RORA: variants seen among roughly 807,000 people sequenced by gnomAD.
The protein encoded by RORA is nuclear receptor ROR-alpha.
In RORA, 7 loss-of-function variants were observed where a neutral mutation model predicts 69.5. The ratio of observed to expected loss-of-function variants is 0.10; its 90% CI spans 0.06 to 0.19. RORA has a LOEUF of 0.19. Among genes scored for constraint, RORA ranks in the 10% least tolerant of loss-of-function variants. RORA has a pLI of 1.00. For missense variants in RORA, 457 were observed against 663.0 expected (o/e 0.69, Z 3.41); for synonymous variants, 261 against 240.8 (o/e 1.08, Z -0.78).
intron 1 of RORA, among the ~76,000 whole-genome samples, chr15:60,824,531 A>C (rs1354062506): frequency 1.3e-5 from 2 of 151,996 alleles, no homozygotes; most frequent in Non-Finnish European, 2.9e-5. Flanking sequence ...TGGTGTGCTC[A>C]TGGCCATATG....
intron 1 of RORA, among the ~76,000 whole-genome samples, chr15:61,062,370 G>T (rs2078198817): frequency 1.3e-5 from 2 of 152,204 alleles, no homozygotes; most frequent in Admixed American, 1.3e-4. Context: ...CTGCAGTGCT[G>T]CATGGTTGAT....
At chr15:60,977,336 T>A (rs1031529157) in intron 1 of RORA, among the ~76,000 whole-genome samples, 5 of 152,242 alleles carry the variant, frequency 3.3e-5, no homozygotes, top group Non-Finnish European at 7.4e-5. Flanking sequence ...AGTCGTCAGT[T>A]TAACAAAGGA....
intron 1 of RORA, among the ~76,000 whole-genome samples, chr15:61,148,700 A>C (rs566596821): frequency 1.3e-5 from 2 of 152,372 alleles, no homozygotes; most frequent in South Asian, 4.1e-4. Context: ...AAAGTGGAGC[A>C]GATAATTCTC....
At chr15:60,711,520 C>T (rs1401761062) in intron 1 of RORA, among the ~76,000 whole-genome samples, 3 of 152,150 alleles carry the variant, frequency 2.0e-5, no homozygotes, top group African/African-American at 7.2e-5. Context: ...CCCATTTTTG[C>T]ATCCTTCCTT....
intron 1 of RORA, among the ~76,000 whole-genome samples, chr15:60,783,345 T>C (rs902314070): frequency 3.9e-5 from 6 of 152,196 alleles, no homozygotes; most frequent in Admixed American, 3.3e-4. Flanking sequence ...TGTTTATTTC[T>C]TTTCTATTTA....
chr15:60,627,356 C>T (rs1477345371), intron 2 of RORA: 7 of 1,614,084 alleles, frequency 4.3e-6, no homozygotes, highest in Non-Finnish European at 5.9e-6. Context: ...TCACTGTCTC[C>T]TGGGGCCCCC....
chr15:60,984,794 CAT>C (rs1894148122), intron 1 of RORA, among the ~76,000 whole-genome samples: 2 of 124,516 alleles, frequency 1.6e-5, no homozygotes, highest in African/African-American at 6.3e-5. Context: ...GCTTGGACTA[CAT>C]ATGTCTTTTT....
At chr15:60,876,321 G>T (rs868674429) in intron 1 of RORA, among the ~76,000 whole-genome samples, 3,041 of 149,894 alleles carry the variant, frequency 0.02, 139 homozygotes, top group Middle Eastern at 0.052. Flanking sequence ...TGGGGGGGGG[G>T]GGGGGCGGCT....
At chr15:60,611,134 T>C (rs1442739085) in intron 2 of RORA, among the ~76,000 whole-genome samples, 2 of 152,190 alleles carry the variant, frequency 1.3e-5, no homozygotes, top group Non-Finnish European at 1.5e-5. Context: ...AAAATTTCTA[T>C]TGCCGCTCAA....
chr15:60,774,292 A>G (rs2072127147), intron 1 of RORA, among the ~76,000 whole-genome samples: 1 of 152,226 alleles, frequency 6.6e-6, no homozygotes, highest in Admixed American at 6.5e-5. Context: ...AAGGCCAGTC[A>G]TGATATTCAT....
At chr15:60,911,344 C>G (rs8027234) in intron 1 of RORA, among the ~76,000 whole-genome samples, 43,014 of 151,920 alleles carry the variant, frequency 0.28, 7,449 homozygotes, top group East Asian at 0.87. Flanking sequence ...TTCAACACAC[C>G]TTCTGCTCTC....
intron 1 of RORA, among the ~76,000 whole-genome samples, chr15:60,707,377 TA>T: frequency 6.6e-6 from 1 of 150,662 alleles, no homozygotes; most frequent in Non-Finnish European, 1.5e-5. Flanking sequence ...TTTATTTATT[TA>T]TTTGAGATGG....
At position 60,985,582 on chromosome 15, in the gene RORA, C is replaced by CTTTTTTT. The variant is rs11451387; in HGVS notation, c.166+243464_166+243470dup. On this transcript the variant is annotated intron_variant, in intron 1 of 10. Transcript: ENST00000335670. The stretch of plus-strand genomic sequence containing the variant: ...TTGTGCTAGGTAAGAAACTCATCCT[C>CTTTTTTT]TTTTTTTTTTTTTTTTTTTTTGAGA... Among the ~76,000 whole-genome samples the CTTTTTTT allele has an allele frequency of 6.0e-3, 607 of 100,764 alleles. 30 individuals carry two copies. The highest frequency in any genetic ancestry group is 9.7e-3 in the African/African-American group (236 of 24,354). The allele number at this position is 100,764 out of a possible 152,430, so 66.1% of individuals were successfully genotyped here.
chr15:61,197,551 C>A (rs2079856324), intron 1 of RORA, among the ~76,000 whole-genome samples: 1 of 152,202 alleles, frequency 6.6e-6, no homozygotes, highest in Non-Finnish European at 1.5e-5. Flanking sequence ...GTTTCATTGG[C>A]AGATCTATAT....
intron 1 of RORA, among the ~76,000 whole-genome samples, chr15:60,692,263 G>T (rs554312960): frequency 1.4e-4 from 22 of 152,200 alleles, no homozygotes; most frequent in African/African-American, 5.3e-4. Context: ...TTTTATATTT[G>T]CATAATCCCA....
At chr15:60,773,808 C>T (rs1024741024) in intron 1 of RORA, among the ~76,000 whole-genome samples, 3 of 152,064 alleles carry the variant, frequency 2.0e-5, no homozygotes, top group African/African-American at 4.8e-5. Flanking sequence ...CCAGAGCTAC[C>T]GGGCCAAGCA....
intron 1 of RORA, among the ~76,000 whole-genome samples, chr15:61,016,929 A>G (rs1215006681): frequency 1.3e-5 from 2 of 152,212 alleles, no homozygotes; most frequent in Admixed American, 1.3e-4. Context: ...TACTCAGCCG[A>G]AGACGTATGA....
intron 1 of RORA, among the ~76,000 whole-genome samples, chr15:60,727,240 G>A (rs2071371827): frequency 6.6e-6 from 1 of 151,982 alleles, no homozygotes; most frequent in Non-Finnish European, 1.5e-5. Flanking sequence ...CCATTCTTGT[G>A]CCTCCTTCCC....
intron 1 of RORA, among the ~76,000 whole-genome samples, chr15:60,758,901 G>A (rs1391616881): frequency 6.6e-6 from 1 of 152,180 alleles, no homozygotes; most frequent in African/African-American, 2.4e-5. Flanking sequence ...TGATAAGAGA[G>A]GCCAGACAGT....
Sources: gnomAD v4.1 joint callset for allele counts (sites outside exome capture counted in the v4.1 genomes callset) on GRCh38, gnomAD v4.1.1 for gene constraint, MANE v1.5 for transcripts, NCBI Gene and HGNC (gene_info 2026-07-23, HGNC 2026-07-21) for gene names.